The following TSPAN9 variants were observed in gnomAD, a reference collection of about 807,000 sequenced individuals.
TSPAN9 encodes tetraspanin 9, also known as tetraspanin-9.
In TSPAN9, 16 loss-of-function variants were observed where a neutral mutation model predicts 31.0. The observed-to-expected ratio is 0.52, with a 90% CI of 0.35 to 0.78. The LOEUF is 0.78. TSPAN9 is among the 30% of genes least tolerant of loss of function. The probability of loss-of-function intolerance (pLI) is 0.01; values close to 1 mark genes in which losing one functional copy is unlikely to be tolerated. For synonymous variants in TSPAN9, 145 were observed against 121.6 expected (o/e 1.19, Z -1.27); for missense variants, 272 against 312.5 (o/e 0.87, Z 0.98).
At chr12:3,206,121 C>T (rs778684009) in intron 3 of TSPAN9, among the ~76,000 whole-genome samples, 1 of 152,186 alleles carries the variant, frequency 6.6e-6, no homozygotes, top group Non-Finnish European at 1.5e-5. Context: ...AAACACCCTC[C>T]GGCCTGCTCC....
At chr12:3,181,115 C>T (rs1468022851) in intron 2 of TSPAN9, among the ~76,000 whole-genome samples, 2 of 152,090 alleles carry the variant, frequency 1.3e-5, no homozygotes, top group Admixed American at 1.3e-4. Context: ...GCCCATGGCA[C>T]CATCTTATGT....
At chr12:3,195,484 GC>G (rs1259294035) in intron 2 of TSPAN9, among the ~76,000 whole-genome samples, 1 of 152,154 alleles carries the variant, frequency 6.6e-6, no homozygotes, top group Non-Finnish European at 1.5e-5. Flanking sequence ...TGCTCAGAGA[GC>G]CCCCTGAAGG....
intron 2 of TSPAN9, among the ~76,000 whole-genome samples, chr12:3,116,377 C>T (rs767387190): frequency 1.3e-5 from 2 of 152,178 alleles, no homozygotes; most frequent in Non-Finnish European, 2.9e-5. Context: ...TGGGTACCTA[C>T]CATGTGATGA....
chr12:3,230,072 T>C (rs999249316), intron 3 of TSPAN9, among the ~76,000 whole-genome samples: 9 of 152,142 alleles, frequency 5.9e-5, no homozygotes, highest in African/African-American at 2.2e-4. Flanking sequence ...TCTCCTCCCA[T>C]CATCTGTCTG....
intron 3 of TSPAN9, among the ~76,000 whole-genome samples, chr12:3,202,180 C>T (rs2098372311): frequency 6.6e-6 from 1 of 152,192 alleles, no homozygotes; most frequent in Non-Finnish European, 1.5e-5. Flanking sequence ...AAATTCATCT[C>T]GAATCGTTCC....
intron 2 of TSPAN9, among the ~76,000 whole-genome samples, chr12:3,194,957 G>C (rs999468721): frequency 6.6e-6 from 1 of 152,218 alleles, no homozygotes; most frequent in Non-Finnish European, 1.5e-5. Flanking sequence ...TTTCTGTACT[G>C]TACAGTGGAA....
intron 3 of TSPAN9, among the ~76,000 whole-genome samples, chr12:3,268,685 T>C (rs934946030): frequency 2.0e-4 from 18 of 88,564 alleles, no homozygotes; most frequent in South Asian, 1.1e-3. Flanking sequence ...GCCCTCTCTG[T>C]GTTCCTGCAG....
At chr12:3,155,210 G>A (rs1377645669) in intron 2 of TSPAN9, among the ~76,000 whole-genome samples, 1 of 152,112 alleles carries the variant, frequency 6.6e-6, no homozygotes, top group Non-Finnish European at 1.5e-5. Context: ...TTAAAGGTAG[G>A]GTGTTATGCT....
chr12:3,250,954 ACT>A (rs571511343), intron 3 of TSPAN9, among the ~76,000 whole-genome samples: 17 of 151,462 alleles, frequency 1.1e-4, no homozygotes, highest in Non-Finnish European at 2.4e-4. Context: ...TGTTCCATGC[ACT>A]CTCTCTTCTC....
intron 2 of TSPAN9, among the ~76,000 whole-genome samples, chr12:3,159,810 A>G (rs187171595): frequency 2.8e-4 from 43 of 152,342 alleles, no homozygotes; most frequent in African/African-American, 1.0e-3. Flanking sequence ...AGCCAAGAAC[A>G]GAGAAAATGG....
chr12:3,140,244 A>G (rs1408185737), intron 2 of TSPAN9, among the ~76,000 whole-genome samples: 1 of 152,080 alleles, frequency 6.6e-6, no homozygotes, highest in Non-Finnish European at 1.5e-5. Context: ...TATGTTGTTT[A>G]GTGTTTCCCA....
intron 3 of TSPAN9, among the ~76,000 whole-genome samples, chr12:3,223,877 T>C (rs1033960993): frequency 6.6e-6 from 1 of 152,118 alleles, no homozygotes; most frequent in Non-Finnish European, 1.5e-5. Flanking sequence ...GCTGGAGTCA[T>C]GTGAGAGATT....
chr12:3,161,405 G>A (rs2098345120), intron 2 of TSPAN9, among the ~76,000 whole-genome samples: 1 of 152,150 alleles, frequency 6.6e-6, no homozygotes, highest in Non-Finnish European at 1.5e-5. Context: ...TTCATTTTGA[G>A]TTCCTTTTTG....
At chr12:3,208,160 A>G (rs1196746106) in intron 3 of TSPAN9, among the ~76,000 whole-genome samples, 3 of 152,192 alleles carry the variant, frequency 2.0e-5, no homozygotes, top group East Asian at 1.9e-4. Context: ...ATGAACAGGA[A>G]GTTAGGTGCC....
At chr12:3,230,623 GT>G (rs1188274463) in intron 3 of TSPAN9, among the ~76,000 whole-genome samples, 3 of 152,126 alleles carry the variant, frequency 2.0e-5, no homozygotes, top group East Asian at 3.9e-4. Context: ...GGGTGGCAAG[GT>G]TTCCTCAGCC....
At chr12:3,118,568 T>A (rs2098323665) in intron 2 of TSPAN9, among the ~76,000 whole-genome samples, 1 of 151,992 alleles carries the variant, frequency 6.6e-6, no homozygotes, top group African/African-American at 2.4e-5. Flanking sequence ...GCCAGACCCC[T>A]CTCTGCTCTT....
At position 3,112,405 on chromosome 12, in the gene TSPAN9, A is replaced by G. The variant is rs191352782; in HGVS notation, c.-18+28686A>G. Among the ~76,000 whole-genome samples, 340 of 151,412 alleles carry G rather than the reference A, an allele frequency of 2.2e-3. 3 individuals are homozygous for G. Among genetic ancestry groups the G allele is most frequent in the African/African-American group, 8.0e-3 (332 of 41,300 alleles). ...TGGTCAGGCTGGTCGCAAACTCCCA[A>G]CCTCAGGTGATCCTCCTGCCTCAGC... On this transcript the variant is annotated intron_variant, in intron 2 of 8. Transcript: ENST00000011898.
chr12:3,086,934 G>A (rs2098300827), intron 2 of TSPAN9, among the ~76,000 whole-genome samples: 1 of 152,224 alleles, frequency 6.6e-6, no homozygotes. Context: ...TGCACATGTT[G>A]CTGGAAACAC....
chr12:3,112,513 G>T (rs2098319521), intron 2 of TSPAN9, among the ~76,000 whole-genome samples: 1 of 150,486 alleles, frequency 6.6e-6, no homozygotes, highest in Non-Finnish European at 1.5e-5. Context: ...TTATTTATTT[G>T]GGTCTTCTTT....
Sources: gnomAD v4.1 joint callset for allele counts (sites outside exome capture counted in the v4.1 genomes callset) on GRCh38, gnomAD v4.1.1 for gene constraint, MANE v1.5 for transcripts, NCBI Gene and HGNC (gene_info 2026-07-23, HGNC 2026-07-21) for gene names.